DYNLT2: variants seen among roughly 807,000 people sequenced by gnomAD.
DYNLT2 encodes dynein light chain Tctex-type 2.
Under a neutral mutation model 24.3 loss-of-function variants are expected in DYNLT2, and 24 were observed. The ratio of observed to expected loss-of-function variants is 0.99; its 90% CI spans 0.71 to 1.39. The LOEUF (loss-of-function observed/expected upper bound fraction) is 1.39, where lower values mean the gene tolerates loss of function less well. Among genes scored for constraint, DYNLT2 ranks in the 40% most tolerant of loss-of-function variants. The pLI, the probability that DYNLT2 is intolerant of heterozygous loss-of-function variation, is 0.00. For synonymous variants in DYNLT2, 85 were observed against 85.4 expected (o/e 1.00, Z 0.03); for missense variants, 246 against 234.5 (o/e 1.05, Z -0.32).
At chr6:169,751,194 G>T in intron 1 of DYNLT2, 145 bp downstream of exon 1, 1 of 1,284,948 alleles carries the variant, frequency 7.8e-7, no homozygotes, top group Non-Finnish European at 1.1e-6. Flanking sequence ...CTTCAATTTC[G>T]CATCTGGGGA....
Position 169,744,189 on chromosome 6 carries a change from T to C in DYNLT2, c.206A>G (p.Asp69Gly), listed in dbSNP as rs375220527. The change falls in exon 2 of 4, where the codon GAT becomes GGT. Residue 69 changes from aspartate to glycine, a missense_variant. Asp to Gly is a moderately conservative substitution (Grantham distance 94). Coordinates refer to ENST00000366774, the MANE Select transcript of DYNLT2 (RefSeq NM_174910.3). Reference protein sequence around the residue: ...VEPPFDDSIADIGKEWKSALA... With the variant: ...VEPPFDDSIAGIGKEWKSALA... ...GGCACTCTTCCATTCTTTACCTATA[T>C]CAGCAATTGAGTCATCAAAAGGAGG... 2.4e-5 allele frequency: 38 copies of C among 1,613,594 alleles called. No homozygotes were observed. The highest frequency in any genetic ancestry group is 3.1e-5 in the Non-Finnish European group (37 of 1,180,006).
chr6:169,729,454 T>C, the DYNLT2 span, among the ~76,000 whole-genome samples: 2 of 152,232 alleles, frequency 1.3e-5, no homozygotes, highest in Admixed American at 6.5e-5. Context: ...TTGTAAAATA[T>C]CATGTTAGTT....
chr6:169,750,711 C>A (rs1457966542), intron 1 of DYNLT2: 1 of 152,170 alleles, frequency 6.6e-6, no homozygotes, highest in East Asian at 1.9e-4. Context: ...AATATAGAGT[C>A]TTTAATACAT....
downstream of DYNLT2, among the ~76,000 whole-genome samples, chr6:169,736,342 A>C (rs989163428): frequency 1.3e-5 from 2 of 151,994 alleles, no homozygotes; most frequent in African/African-American, 4.8e-5. Flanking sequence ...GTTATATGTG[A>C]ATTTGATCCT....
chr6:169,726,673 A>T, the DYNLT2 span, among the ~76,000 whole-genome samples: 2 of 152,226 alleles, frequency 1.3e-5, no homozygotes, highest in African/African-American at 4.8e-5. Flanking sequence ...AAATTAGTTA[A>T]TCTCTCTGAC....
At chr6:169,743,781 A>T (rs1366559322) in intron 2 of DYNLT2, among the ~76,000 whole-genome samples, 1 of 152,202 alleles carries the variant, frequency 6.6e-6, no homozygotes, top group Admixed American at 6.5e-5. Flanking sequence ...AAAGATTTCT[A>T]ACCATGTTTA....
chr6:169,726,749 C>G, the DYNLT2 span, among the ~76,000 whole-genome samples: 1 of 151,996 alleles, frequency 6.6e-6, no homozygotes, highest in South Asian at 2.1e-4. Context: ...TTATGGCAAG[C>G]CAAGTATTAA....
chr6:169,738,783 A>G (rs1412455771), downstream of DYNLT2: 1 of 152,366 alleles, frequency 6.6e-6, no homozygotes, highest in Admixed American at 6.5e-5. Context: ...ACTTAAAATC[A>G]TGGCGCAAGG....
intron 1 of DYNLT2, among the ~76,000 whole-genome samples, chr6:169,745,384 G>A (rs1008839587): frequency 1.3e-5 from 2 of 152,172 alleles, no homozygotes; most frequent in African/African-American, 4.8e-5. Flanking sequence ...TTACAGACAT[G>A]AGCCACTGCA....
At chr6:169,728,064 C>A in the DYNLT2 span, among the ~76,000 whole-genome samples, 19 of 152,260 alleles carry the variant, frequency 1.2e-4, no homozygotes, top group African/African-American at 4.3e-4. Context: ...TGAAACTACT[C>A]GGTCTGGCTT....
chr6:169,736,875 G>A (rs945979510), downstream of DYNLT2, among the ~76,000 whole-genome samples: 7 of 152,082 alleles, frequency 4.6e-5, no homozygotes, highest in Admixed American at 1.3e-4. Flanking sequence ...CCTAGGTTGG[G>A]GAAGTTTTCC....
At chr6:169,741,130 G>C (rs1789669754) in intron 3 of DYNLT2, among the ~76,000 whole-genome samples, 2 of 152,078 alleles carry the variant, frequency 1.3e-5, no homozygotes, top group African/African-American at 4.8e-5. Context: ...ATTCTTTATG[G>C]CTTCTCCTAT....
intron 1 of DYNLT2, among the ~76,000 whole-genome samples, chr6:169,744,840 A>C (rs1452179839): frequency 6.6e-6 from 1 of 152,220 alleles, no homozygotes; most frequent in Non-Finnish European, 1.5e-5. Flanking sequence ...TGTGACATCC[A>C]ATATGCATTA....
At chr6:169,729,580 GA>G in the DYNLT2 span, among the ~76,000 whole-genome samples, 1 of 152,158 alleles carries the variant, frequency 6.6e-6, no homozygotes, top group African/African-American at 2.4e-5. Flanking sequence ...GAAGGATTGT[GA>G]TATCTGCTAT....
chr6:169,739,911 A>G (rs1347788711), downstream of DYNLT2, among the ~76,000 whole-genome samples: 6 of 151,916 alleles, frequency 3.9e-5, no homozygotes, highest in Non-Finnish European at 7.4e-5. Context: ...ATACTCTACT[A>G]TAAGAATTTG....
rs370399366 is a variant in DYNLT2, at chr6:169,744,101, A to T, written c.294T>A (p.His98Gln). The change falls in exon 2 of 4, where the codon CAT (histidine) becomes CAA (glutamine). Residue 98 changes from histidine (H) to glutamine (Q), a missense_variant. By Grantham distance (24) the His-to-Gln change is conservative (BLOSUM62 0). Coordinates refer to ENST00000366774, the MANE Select transcript of DYNLT2 (RefSeq NM_174910.3). ...RMEPLKKFQA[H>Q]SVETKVQQIL... is the part of the protein sequence containing the mutation. The stretch of plus-strand genomic sequence containing the variant: ...TCTGCTGGACTTTAGTTTCTACTGA[A>T]TGAGCTTGGAATTTCTTCAATGGCT... The T allele has an allele frequency of 5.0e-6, 8 of 1,612,910 alleles. No homozygotes were observed. Among genetic ancestry groups the T allele is most frequent in the Non-Finnish European group, 6.8e-6 (8 of 1,179,978 alleles).
the DYNLT2 span, chr6:169,725,331 CA>C: frequency 7.5e-6 from 3 of 398,522 alleles, no homozygotes; most frequent in Non-Finnish European, 1.3e-5. Flanking sequence ...ACTCAACAAA[CA>C]AAAGTTGGGA....
At chr6:169,743,589 A>T (rs1238499445) in intron 2 of DYNLT2, among the ~76,000 whole-genome samples, 1 of 152,202 alleles carries the variant, frequency 6.6e-6, no homozygotes, top group Non-Finnish European at 1.5e-5. Flanking sequence ...AAACCTTTTT[A>T]AATTTATACA....
the DYNLT2 span, chr6:169,725,331 CAA>C: frequency 2.5e-6 from 1 of 398,522 alleles, no homozygotes; most frequent in African/African-American, 2.1e-5. Context: ...ACTCAACAAA[CAA>C]AAGTTGGGAA....
Sources: gnomAD v4.1 joint callset for allele counts (sites outside exome capture counted in the v4.1 genomes callset) on GRCh38, gnomAD v4.1.1 for gene constraint, MANE v1.5 for transcripts, NCBI Gene and HGNC (gene_info 2026-07-23, HGNC 2026-07-21) for gene names.